Variants in NCBP1 observed in about 807,000 individuals in gnomAD.
The protein encoded by NCBP1 is nuclear cap-binding protein subunit 1.
A neutral mutation model predicts 111.7 loss-of-function variants in NCBP1; 16 were observed. The ratio of observed to expected loss-of-function variants is 0.14; its 90% CI spans 0.10 to 0.22. The LOEUF (loss-of-function observed/expected upper bound fraction) is 0.22, where lower values mean the gene tolerates loss of function less well. Ranked by LOEUF, NCBP1 falls within the 10% of genes least tolerant of loss-of-function variation. The pLI, the probability that NCBP1 is intolerant of heterozygous loss-of-function variation, is 1.00. For missense variants in NCBP1, 607 were observed against 957.5 expected (o/e 0.63, Z 4.83); for synonymous variants, 304 against 314.3 (o/e 0.97, Z 0.35).
At position 97,662,111 on chromosome 9, in the gene NCBP1, A is replaced by T. The variant is rs769724189; in HGVS notation, c.1670A>T (p.Lys557Ile). Residue 557 changes from lysine to isoleucine, a missense_variant, in exon 17 of 23, where the codon AAA becomes ATA. Around this residue, in one of 9 missense-constraint regions of NCBP1, gnomAD observed 282 missense variants for 376.5 expected, o/e 0.75. Transcript: ENST00000375147. ...CAGACTCTGCTACACTTGGCAGCCA[A>T]ATCATTCAGCCACTCCTTCAGTGCT... Reference protein sequence around the residue: ...FVQTLLHLAAKSFSHSFSALA... With the variant: ...FVQTLLHLAAISFSHSFSALA... 4 of 1,613,892 alleles carry T rather than the reference A, an allele frequency of 2.5e-6. No individual in the cohort carries two copies. Among genetic ancestry groups the T allele is most frequent in the South Asian group, 1.1e-5 (1 of 91,074 alleles).
intron 21 of NCBP1, among the ~76,000 whole-genome samples, chr9:97,669,225 C>G (rs1017364072): frequency 6.6e-6 from 1 of 151,866 alleles, no homozygotes; most frequent in Admixed American, 6.6e-5. Context: ...TTGTGGGTTG[C>G]TTTTTTTATA....
intron 22 of NCBP1, chr9:97,670,106 A>G (rs754953444): frequency 6.1e-6 from 2 of 328,632 alleles, no homozygotes; most frequent in South Asian, 2.6e-5. Flanking sequence ...TATTTTTAGT[A>G]GGGACAGAGT....
Position 97,660,804 on chromosome 9 carries a change from A to G in NCBP1, c.1478-142A>G, listed in dbSNP as rs1055508300. 4 of 977,736 alleles carry G rather than the reference A, an allele frequency of 4.1e-6. No individual in the cohort carries two copies. The African/African-American group carries it at 4.9e-5, about 12-fold the overall frequency. 60.6% of individuals were successfully genotyped at this position (977,736 alleles called of 1,614,324 possible). A position where few individuals can be genotyped will look rare whatever the true frequency, so the allele number is the denominator to read the frequency against. On this transcript the variant is annotated intron_variant, in intron 15 of 22. Transcript: ENST00000375147. ...CTTTCACATACGGTATTTATATGTG[A>G]TTAAATATTGACCTTGGGATAAAGA... is the stretch of plus-strand genomic sequence containing the variant.
intron 15 of NCBP1, among the ~76,000 whole-genome samples, chr9:97,659,730 C>T (rs536897130): frequency 3.3e-5 from 5 of 152,194 alleles, no homozygotes; most frequent in South Asian, 2.1e-4. Context: ...GTACTGGTTC[C>T]GAGAATGATA....
intron 15 of NCBP1, among the ~76,000 whole-genome samples, chr9:97,660,653 A>T (rs1476622960): frequency 1.3e-5 from 2 of 152,178 alleles, no homozygotes; most frequent in African/African-American, 4.8e-5. Flanking sequence ...TTTTCTCCTT[A>T]CCATTCATCT....
At chr9:97,641,046 A>C (rs1827191779) in intron 2 of NCBP1, among the ~76,000 whole-genome samples, 164 bp downstream of exon 2, 1 of 152,166 alleles carries the variant, frequency 6.6e-6, no homozygotes, top group Non-Finnish European at 1.5e-5. Context: ...TGGGATGTAG[A>C]TAATTGATCA....
At chr9:97,668,134 T>TCTTGCTGAAAGTACCTTGGTATGTAACA (rs1828064793) in intron 20 of NCBP1, among the ~76,000 whole-genome samples, 1 of 152,184 alleles carries the variant, frequency 6.6e-6, no homozygotes, top group African/African-American at 2.4e-5. Context: ...GATGCCACCT[T>TCTTGCTGAAAGTACCTTGGTATGTAACA]CTTGCTGAAA....
intron 4 of NCBP1, among the ~76,000 whole-genome samples, chr9:97,643,757 CA>C (rs1278648109): frequency 2.0e-5 from 3 of 152,134 alleles, no homozygotes; most frequent in Non-Finnish European, 4.4e-5. Flanking sequence ...CAATCCCTGT[CA>C]ATTCTGTCTC....
chr9:97,654,047 T>C, intron 11 of NCBP1, 139 bp downstream of exon 11: 4 of 619,134 alleles, frequency 6.5e-6, no homozygotes, highest in East Asian at 2.8e-5. Context: ...ATTACATGTA[T>C]GTACTTGTAT....
At chr9:97,657,904 CTCTA>C (rs1447810053) in intron 14 of NCBP1, among the ~76,000 whole-genome samples, 17 of 70,196 alleles carry the variant, frequency 2.4e-4, no homozygotes, top group Admixed American at 6.2e-4. Context: ...CTCTCTCTCT[CTCTA>C]TATATATATA....
intron 8 of NCBP1, among the ~76,000 whole-genome samples, chr9:97,649,634 A>G (rs578168655): frequency 1.3e-5 from 2 of 152,186 alleles, no homozygotes; most frequent in Non-Finnish European, 2.9e-5. Context: ...GCTATATTCC[A>G]TATGTAACCA....
At position 97,669,188 on chromosome 9, in the gene NCBP1, G is replaced by A. The variant is rs139957570; in HGVS notation, c.2145+214G>A. Among the ~76,000 whole-genome samples the A allele has an allele frequency of 5.9e-3, 899 of 152,044 alleles. 4 individuals carry two copies. Among genetic ancestry groups the A allele is most frequent in the Non-Finnish European group, 8.0e-3 (544 of 67,978 alleles). The stretch of plus-strand genomic sequence containing the variant: ...TGCTGTTTACTTAGTATTCTCGCAT[G>A]AGCATTTCTCCATGCTTGAAAAAAA... On this transcript the variant is annotated intron_variant, in intron 21 of 22. Coordinates refer to ENST00000375147, the MANE Select transcript of NCBP1 (RefSeq NM_002486.5).
intron 4 of NCBP1, 122 bp from the exon 5 acceptor site, chr9:97,644,995 C>G (rs1168393456): frequency 1.3e-5 from 8 of 601,668 alleles, no homozygotes; most frequent in Non-Finnish European, 2.3e-5. Context: ...AGGTAGTAGG[C>G]TAGATTCAGC....
intron 1 of NCBP1, among the ~76,000 whole-genome samples, chr9:97,636,491 T>TAAATTTATATTTATATATTATAA (rs1160303738): frequency 1.5e-3 from 45 of 30,582 alleles, no homozygotes; most frequent in African/African-American, 2.8e-3. Context: ...ATATATTATA[T>TAAATTTATATTTATATATTATAA]AAATTTATAT....
Position 97,634,167 on chromosome 9 carries a change from C to T in NCBP1, c.34+252C>T, listed in dbSNP as rs182828719. Among the ~76,000 whole-genome samples the T allele has an allele frequency of 3.7e-3, 560 of 152,342 alleles. 3 individuals carry two copies. Among genetic ancestry groups the T allele is most frequent in the African/African-American group, 0.013 (546 of 41,584 alleles). ...GCCTGGTGAACCCCATGGGTAGACCCTTGGTCTCTAAGGATGCTTCAGAAT... is the reference window on the plus strand; with the variant it reads ...GCCTGGTGAACCCCATGGGTAGACCTTTGGTCTCTAAGGATGCTTCAGAAT... On this transcript the variant is annotated intron_variant, in intron 1 of 22. Coordinates refer to ENST00000375147, the MANE Select transcript of NCBP1 (RefSeq NM_002486.5).
chr9:97,651,955 A>G (rs1467351290), intron 10 of NCBP1, among the ~76,000 whole-genome samples: 1 of 152,134 alleles, frequency 6.6e-6, no homozygotes, highest in Non-Finnish European at 1.5e-5. Context: ...CATTATAGAG[A>G]TTTATATCAA....
intron 17 of NCBP1, 116 bp downstream of exon 17, chr9:97,662,260 T>C (rs1436004091): frequency 1.8e-5 from 13 of 720,318 alleles, no homozygotes; most frequent in Non-Finnish European, 2.6e-5. Context: ...AGTGTATAAT[T>C]GGACACAGTG....
chr9:97,670,584 T>C (rs1220369284), intron 22 of NCBP1, among the ~76,000 whole-genome samples: 1 of 152,232 alleles, frequency 6.6e-6, no homozygotes, highest in Non-Finnish European at 1.5e-5. Context: ...TCTGATTTTA[T>C]AGTTACTGCC....
chr9:97,650,871 A>G (rs536372388), intron 9 of NCBP1, among the ~76,000 whole-genome samples: 2 of 152,134 alleles, frequency 1.3e-5, no homozygotes, highest in South Asian at 4.1e-4. Context: ...TTGAATGGCA[A>G]GTTATTTTGG....
Sources: allele counts gnomAD v4.1 joint callset (sites outside exome capture counted in the v4.1 genomes callset), GRCh38; gene constraint gnomAD v4.1.1; regional missense constraint gnomAD v4.1.1; transcripts MANE v1.5; gene names NCBI Gene and HGNC (gene_info 2026-07-23, HGNC 2026-07-21).